BTRC: variants seen among roughly 807,000 people sequenced by gnomAD.
The protein encoded by BTRC is beta-transducin repeat containing E3 ubiquitin protein ligase, also known as F-box/WD repeat-containing protein 1A.
Under a neutral mutation model 85.5 loss-of-function variants are expected in BTRC, and 42 were observed. The ratio of observed to expected loss-of-function variants is 0.49; its 90% CI spans 0.38 to 0.64. BTRC has a LOEUF of 0.64. Ranked by LOEUF, BTRC falls within the 30% of genes least tolerant of loss-of-function variation. The pLI, the probability that BTRC is intolerant of heterozygous loss-of-function variation, is 0.00. For missense variants in BTRC, 594 were observed against 743.5 expected, an observed-to-expected ratio of 0.80 and a Z score of 2.34; for synonymous variants, 255 against 263.3, an observed-to-expected ratio of 0.97 and a Z score of 0.30.
In BTRC at chr10:101,514,262, CT is replaced by C. The variant is rs546365205; in HGVS notation, c.325-7369del. Among the ~76,000 whole-genome samples, 3 of 152,074 alleles carry C rather than the reference CT, an allele frequency of 2.0e-5. No individual in the cohort carries two copies. In the East Asian group the frequency reaches 5.8e-4, roughly 29 times the overall value. ...TGTTTTGAACATGCCAATTTACTGACTTTTTTTTCCTTTTATAATGTTTGCC... is the reference window on the plus strand; with the variant it reads ...TGTTTTGAACATGCCAATTTACTGACTTTTTTTCCTTTTATAATGTTTGCC... On this transcript the variant is annotated intron_variant, in intron 4 of 14. Coordinates refer to ENST00000370187, the MANE Select transcript of BTRC (RefSeq NM_033637.4).
Position 101,359,604 on chromosome 10 carries a change from A to ATTTTTT in BTRC, c.48+5384_48+5389dup, listed in dbSNP as rs57925473. Reference sequence around the variant, plus strand: ...CACCTTGCCTGGCTAATTTTGTTGTATTTTTTTTTTTTTGAGATGGAGTTT... The same window carrying ATTTTTT: ...CACCTTGCCTGGCTAATTTTGTTGTATTTTTTTTTTTTTTTTTTTGAGATGGAGTTT... On this transcript the variant is annotated intron_variant, in intron 1 of 14. Transcript: ENST00000370187. 1.6e-3 allele frequency among the ~76,000 whole-genome samples: 226 copies of ATTTTTT among 137,922 alleles called. 4 individuals are homozygous for ATTTTTT. The East Asian group carries it at 0.025, about 15-fold the overall frequency. 90.5% of individuals were successfully genotyped at this position (137,922 alleles called of 152,430 possible).
chr10:101,547,772 T>A (rs1214618873), intron 13 of BTRC, among the ~76,000 whole-genome samples: 1 of 152,194 alleles, frequency 6.6e-6, no homozygotes, highest in African/African-American at 2.4e-5. Context: ...ATTAGCAAAT[T>A]AAATCCAACA....
chr10:101,528,102 A>G (rs2062226600), intron 6 of BTRC, among the ~76,000 whole-genome samples: 1 of 152,200 alleles, frequency 6.6e-6, no homozygotes, highest in African/African-American at 2.4e-5. Context: ...CTCGTCTCCA[A>G]ATAACTCCTG....
At chr10:101,459,243 C>G (rs1398508937) in intron 2 of BTRC, among the ~76,000 whole-genome samples, 1 of 152,146 alleles carries the variant, frequency 6.6e-6, no homozygotes, top group Admixed American at 6.5e-5. Flanking sequence ...GATAAAGATG[C>G]AAGGAATAAC....
chr10:101,368,464 CTTTTTTTTTTTTTTTTTTT>C lies in BTRC; in HGVS notation c.48+14250_48+14268del, dbSNP rs60190021. 1.4e-3 allele frequency among the ~76,000 whole-genome samples: 107 copies of C among 75,352 alleles called. 4 individuals are homozygous for C. The highest frequency in any genetic ancestry group is 3.6e-3 in the Admixed American group (21 of 5,786). 49.4% of individuals were successfully genotyped at this position (75,352 alleles called of 152,430 possible). ...TAGTAGAACCTATGCAACTGTTTTT[CTTTTTTTTTTTTTTTTTTT>C]TTTTTTTTTTTTTAGAGACAGGGTC... is the stretch of plus-strand genomic sequence containing the variant. On this transcript the variant is annotated intron_variant, in intron 1 of 14. Transcript: ENST00000370187.
intron 4 of BTRC, among the ~76,000 whole-genome samples, chr10:101,507,333 T>G (rs1197434733): frequency 1.3e-5 from 2 of 152,236 alleles, no homozygotes; most frequent in Admixed American, 6.5e-5. Context: ...CTGTCAGAGT[T>G]TCTCCTATTA....
chr10:101,546,583 A>G (rs921219944), intron 13 of BTRC, among the ~76,000 whole-genome samples: 1 of 152,208 alleles, frequency 6.6e-6, no homozygotes, highest in Non-Finnish European at 1.5e-5. Context: ...CTGAATGCAT[A>G]TCTTAGAAAA....
intron 1 of BTRC, among the ~76,000 whole-genome samples, chr10:101,394,503 G>T (rs1943314831): frequency 6.6e-6 from 1 of 152,122 alleles, no homozygotes; most frequent in African/African-American, 2.4e-5. Context: ...AGACTCAGTT[G>T]TCTAGTTTCA....
intron 13 of BTRC, among the ~76,000 whole-genome samples, chr10:101,541,590 G>A (rs1485463767): frequency 6.6e-6 from 1 of 152,022 alleles, no homozygotes; most frequent in East Asian, 1.9e-4. Flanking sequence ...CATTATCAGG[G>A]GATTAGGCAG....
chr10:101,422,177 A>G (rs556459508), intron 1 of BTRC, among the ~76,000 whole-genome samples: 1 of 152,226 alleles, frequency 6.6e-6, no homozygotes, highest in African/African-American at 2.4e-5. Context: ...CTGGCGTGAG[A>G]TGGTATCTCA....
intron 13 of BTRC, among the ~76,000 whole-genome samples, chr10:101,549,822 A>AT (rs1426011676): frequency 6.6e-6 from 1 of 151,382 alleles, no homozygotes; most frequent in African/African-American, 2.4e-5. Context: ...AACATTCTAC[A>AT]TCTTCATCAG....
intron 13 of BTRC, among the ~76,000 whole-genome samples, chr10:101,539,968 A>AT (rs1326868059): frequency 6.6e-6 from 1 of 152,122 alleles, no homozygotes; most frequent in Non-Finnish European, 1.5e-5. Flanking sequence ...ATCTTTTCCC[A>AT]TTTTTTAATT....
intron 3 of BTRC, among the ~76,000 whole-genome samples, chr10:101,465,269 A>G (rs1945343450): frequency 6.6e-6 from 1 of 152,196 alleles, no homozygotes; most frequent in Non-Finnish European, 1.5e-5. Flanking sequence ...TTGATTATAA[A>G]AAGTTCAGTT....
chr10:101,399,295 G>A (rs1333686533), intron 1 of BTRC, among the ~76,000 whole-genome samples: 15 of 149,032 alleles, frequency 1.0e-4, no homozygotes, highest in Non-Finnish European at 1.8e-4. Flanking sequence ...TGGAGGAGGA[G>A]AAGGGAGAAC....
chr10:101,394,730 C>G (rs1352703029), intron 1 of BTRC, among the ~76,000 whole-genome samples: 1 of 152,102 alleles, frequency 6.6e-6, no homozygotes, highest in African/African-American at 2.4e-5. Context: ...AAGGGCTTTC[C>G]CAGTAGCCTG....
chr10:101,419,050 A>T (rs1223436218), intron 1 of BTRC, among the ~76,000 whole-genome samples: 2 of 147,970 alleles, frequency 1.4e-5, no homozygotes, highest in Non-Finnish European at 3.0e-5. Flanking sequence ...TCGCTCTGTC[A>T]CCCAGGCTGG....
intron 1 of BTRC, among the ~76,000 whole-genome samples, chr10:101,414,253 A>G: frequency 6.6e-6 from 1 of 152,196 alleles, no homozygotes; most frequent in Non-Finnish European, 1.5e-5. Flanking sequence ...TCAGTCAGTG[A>G]TGGACTGTGT....
intron 2 of BTRC, among the ~76,000 whole-genome samples, chr10:101,441,232 A>G (rs1944671184): frequency 6.6e-6 from 1 of 152,248 alleles, no homozygotes; most frequent in Non-Finnish European, 1.5e-5. Flanking sequence ...GGAGTTTTCT[A>G]AATCTGGTAC....
At chr10:101,537,935 G>C (rs2062411315) in intron 12 of BTRC, among the ~76,000 whole-genome samples, 2 of 152,200 alleles carry the variant, frequency 1.3e-5, no homozygotes, top group Non-Finnish European at 1.5e-5. Context: ...ATGAGGGCTT[G>C]CTTATATAAA....
Sources: gnomAD v4.1 joint callset for allele counts (sites outside exome capture counted in the v4.1 genomes callset) on GRCh38, gnomAD v4.1.1 for gene constraint, MANE v1.5 for transcripts, NCBI Gene and HGNC (gene_info 2026-07-23, HGNC 2026-07-21) for gene names.